Variants in HDAC9 observed in about 807,000 individuals in gnomAD.
The protein encoded by HDAC9 is histone deacetylase 9, also known as MEF-2 interacting transcription repressor (MITR) protein.
A neutral mutation model predicts 139.4 loss-of-function variants in HDAC9; 41 were observed. The observed-to-expected ratio is 0.29, with a 90% CI of 0.23 to 0.38. The LOEUF (loss-of-function observed/expected upper bound fraction) is 0.38. Among genes scored for constraint, HDAC9 ranks in the 10% least tolerant of loss-of-function variants. The pLI is 1.00. For missense variants in HDAC9, 1,147 were observed against 1,297.0 expected (o/e 0.88, Z 1.78); for synonymous variants, 517 against 476.2 (o/e 1.09, Z -1.12).
At chr7:18,131,879 T>C (rs1480808356) in intron 1 of HDAC9, among the ~76,000 whole-genome samples, 1 of 152,170 alleles carries the variant, frequency 6.6e-6, no homozygotes, top group East Asian at 1.9e-4. Flanking sequence ...GAATTATAGA[T>C]AATTGGGAGT....
At chr7:18,517,241 T>C (rs1803516125) in intron 2 of HDAC9, among the ~76,000 whole-genome samples, 1 of 152,210 alleles carries the variant, frequency 6.6e-6, no homozygotes. Context: ...GAGTCCGTCA[T>C]TGTGACTGCC....
intron 17 of HDAC9, among the ~76,000 whole-genome samples, chr7:18,797,596 G>A (rs1480040186): frequency 6.6e-6 from 1 of 152,126 alleles, no homozygotes; most frequent in Non-Finnish European, 1.5e-5. Context: ...GGGAGGCTGA[G>A]GCGGGTGGAT....
chr7:18,607,915 C>T (rs1375345552), intron 6 of HDAC9, among the ~76,000 whole-genome samples: 1 of 152,070 alleles, frequency 6.6e-6, no homozygotes, highest in Non-Finnish European at 1.5e-5. Context: ...AGTCTAATGA[C>T]ATATTTTTCA....
chr7:18,566,320 T>C (rs1170695510), intron 2 of HDAC9, among the ~76,000 whole-genome samples: 1 of 152,212 alleles, frequency 6.6e-6, no homozygotes, highest in African/African-American at 2.4e-5. Flanking sequence ...TCTTCAGAGT[T>C]CCTGCTTTCA....
At chr7:18,409,014 A>G (rs546465346) in intron 1 of HDAC9, among the ~76,000 whole-genome samples, 9 of 152,312 alleles carry the variant, frequency 5.9e-5, no homozygotes, top group Admixed American at 2.0e-4. Flanking sequence ...TATGCCCTCC[A>G]TAAGGATGTG....
chr7:18,271,668 C>A (rs1464391058), intron 2 of HDAC9, among the ~76,000 whole-genome samples: 4 of 152,180 alleles, frequency 2.6e-5, no homozygotes, highest in African/African-American at 7.2e-5. Context: ...GAAAGCACTT[C>A]TTCAAGATGG....
chr7:18,614,600 A>G (rs1158443087), intron 6 of HDAC9, among the ~76,000 whole-genome samples: 1 of 152,038 alleles, frequency 6.6e-6, no homozygotes, highest in Non-Finnish European at 1.5e-5. Context: ...TTCTTGTCTG[A>G]TGCTTAGTAC....
intron 1 of HDAC9, among the ~76,000 whole-genome samples, chr7:18,159,875 AG>A: frequency 6.6e-6 from 1 of 152,284 alleles, no homozygotes; most frequent in South Asian, 2.1e-4. Flanking sequence ...ACTGAAGGCA[AG>A]GGGAGTTGTT....
chr7:18,713,116 G>C (rs376527051), intron 12 of HDAC9, among the ~76,000 whole-genome samples: 1 of 152,190 alleles, frequency 6.6e-6, no homozygotes, highest in South Asian at 2.1e-4. Flanking sequence ...TTGTATAGCA[G>C]AACAGAAAAG....
At chr7:18,668,770 A>G (rs577947588) in intron 12 of HDAC9, 53 of 982,138 alleles carry the variant, frequency 5.4e-5, no homozygotes, top group Non-Finnish European at 6.4e-5. Context: ...TTGTAAATAT[A>G]TTGTTTGTAT....
intron 1 of HDAC9, among the ~76,000 whole-genome samples, chr7:18,458,372 A>C (rs1447493843): frequency 6.6e-6 from 1 of 152,200 alleles, no homozygotes; most frequent in Non-Finnish European, 1.5e-5. Context: ...AATGGTTACT[A>C]GGAAACCATA....
At chr7:18,615,764 A>G (rs1838408386) in intron 6 of HDAC9, among the ~76,000 whole-genome samples, 1 of 152,208 alleles carries the variant, frequency 6.6e-6, no homozygotes, top group Admixed American at 6.6e-5. Context: ...CCAGTATTTC[A>G]GAATATTCAG....
intron 1 of HDAC9, among the ~76,000 whole-genome samples, chr7:18,157,815 G>GAGAA (rs1554314538): frequency 8.7e-6 from 1 of 115,506 alleles, no homozygotes; most frequent in African/African-American, 3.5e-5. Context: ...GAGAGAGAGA[G>GAGAA]AGAGAGAGAG....
intron 1 of HDAC9, among the ~76,000 whole-genome samples, chr7:18,308,087 T>C (rs1051421088): frequency 1.3e-5 from 2 of 152,200 alleles, no homozygotes; most frequent in Non-Finnish European, 1.5e-5. Context: ...ATACATGTTT[T>C]CAAACTCAAA....
intron 1 of HDAC9, among the ~76,000 whole-genome samples, chr7:18,416,913 T>G (rs1585745240): frequency 6.6e-6 from 1 of 152,202 alleles, no homozygotes; most frequent in African/African-American, 2.4e-5. Flanking sequence ...GTTTTGGTTT[T>G]GAGTATTTGA....
intron 2 of HDAC9, among the ~76,000 whole-genome samples, chr7:18,522,871 G>A (rs1805537827): frequency 6.6e-6 from 1 of 152,208 alleles, no homozygotes; most frequent in Non-Finnish European, 1.5e-5. Flanking sequence ...TGAGCTCAAA[G>A]AGGCTGAATA....
At chr7:18,744,421 G>A (rs1787752790) in intron 13 of HDAC9, among the ~76,000 whole-genome samples, 1 of 152,178 alleles carries the variant, frequency 6.6e-6, no homozygotes, top group African/African-American at 2.4e-5. Flanking sequence ...TATTTGTGCT[G>A]TGCTAGTCCT....
intron 22 of HDAC9, among the ~76,000 whole-genome samples, chr7:18,932,511 A>C (rs958192944): frequency 4.6e-5 from 7 of 152,150 alleles, no homozygotes; most frequent in Non-Finnish European, 8.8e-5. Flanking sequence ...CCCTGGGGGC[A>C]TCTATACCAA....
At chr7:18,171,447 T>TG (rs905758603) in intron 2 of HDAC9, among the ~76,000 whole-genome samples, 2 of 152,212 alleles carry the variant, frequency 1.3e-5, no homozygotes, top group African/African-American at 2.4e-5. Context: ...TTCTTTCTCT[T>TG]GCCTGATTGC....
Sources: allele counts gnomAD v4.1 joint callset (sites outside exome capture counted in the v4.1 genomes callset), GRCh38; gene constraint gnomAD v4.1.1; transcripts MANE v1.5; gene names NCBI Gene and HGNC (gene_info 2026-07-23, HGNC 2026-07-21).